ADGRV1: variants seen among roughly 807,000 people sequenced by gnomAD.
ADGRV1 encodes the protein G-protein coupled receptor 98.
Under a neutral mutation model 596.2 loss-of-function variants are expected in ADGRV1, and 359 were observed. The ratio of observed to expected loss-of-function variants is 0.60; its 90% confidence interval spans 0.55 to 0.66. ADGRV1 has a LOEUF of 0.66. Among genes scored for constraint, ADGRV1 ranks in the 30% least tolerant of loss-of-function variants. The pLI is 0.00. For synonymous variants in ADGRV1, 2,681 were observed against 2,679.2 expected, an observed-to-expected ratio of 1.00 and a Z score of -0.02; for missense variants, 7,274 against 7,575.6, an observed-to-expected ratio of 0.96 and a Z score of 1.48.
chr5:90,996,464 T>C (rs1295506276), intron 85 of ADGRV1, among the ~76,000 whole-genome samples: 2 of 152,132 alleles, frequency 1.3e-5, no homozygotes, highest in Admixed American at 1.3e-4. Context: ...CCTGGGAGAC[T>C]CCAACTAGAT....
At chr5:90,694,792 T>G in intron 33 of ADGRV1, 91 bp downstream of exon 33, 1 of 1,172,222 alleles carries the variant, frequency 8.5e-7, no homozygotes, top group Middle Eastern at 2.1e-4. Context: ...TCTTACTGTG[T>G]ACATTCTTGT....
intron 83 of ADGRV1, among the ~76,000 whole-genome samples, chr5:90,932,353 TA>T (rs1178053650): frequency 2.6e-5 from 4 of 152,172 alleles, no homozygotes; most frequent in Admixed American, 6.5e-5. Context: ...CTTTCCCCAA[TA>T]AAAACCTGTG....
At chr5:90,580,812 G>T (rs1372273650) in intron 1 of ADGRV1, among the ~76,000 whole-genome samples, 3 of 148,882 alleles carry the variant, frequency 2.0e-5, no homozygotes, top group Non-Finnish European at 1.5e-5. Context: ...GTTTCCTGTT[G>T]GGGAAGTTCT....
intron 83 of ADGRV1, among the ~76,000 whole-genome samples, chr5:90,902,273 C>T (rs1771918615): frequency 6.6e-6 from 1 of 152,170 alleles, no homozygotes; most frequent in African/African-American, 2.4e-5. Context: ...CCTTTTCTGT[C>T]ACCACCTACC....
intron 76 of ADGRV1, 141 bp downstream of exon 76, chr5:90,823,737 T>C: frequency 1.5e-6 from 1 of 680,324 alleles, no homozygotes; most frequent in Non-Finnish European, 2.4e-6. Context: ...TCTAAATCTC[T>C]TTGCCGACAA....
At chr5:90,683,051 A>G (rs1025685997) in intron 27 of ADGRV1, among the ~76,000 whole-genome samples, 1 of 152,222 alleles carries the variant, frequency 6.6e-6, no homozygotes, top group Non-Finnish European at 1.5e-5. Flanking sequence ...GTGAGTGTGA[A>G]AATTTTATGA....
chr5:91,015,804 G>C (rs183437095), intron 85 of ADGRV1, among the ~76,000 whole-genome samples: 1 of 151,664 alleles, frequency 6.6e-6, no homozygotes, highest in African/African-American at 2.4e-5. Flanking sequence ...CGTACAATTG[G>C]GGCTTGCTTT....
At chr5:90,899,599 T>C (rs973081816) in intron 83 of ADGRV1, among the ~76,000 whole-genome samples, 1 of 152,210 alleles carries the variant, frequency 6.6e-6, no homozygotes, top group Non-Finnish European at 1.5e-5. Context: ...TCAGTACTTG[T>C]CTTATAAATG....
intron 83 of ADGRV1, among the ~76,000 whole-genome samples, chr5:90,942,737 T>A (rs970627862): frequency 6.6e-6 from 1 of 152,178 alleles, no homozygotes; most frequent in African/African-American, 2.4e-5. Flanking sequence ...AAATTGATTA[T>A]CTGAACGATT....
intron 87 of ADGRV1, among the ~76,000 whole-genome samples, chr5:91,134,024 A>T (rs549179721): frequency 1.3e-5 from 2 of 152,318 alleles, no homozygotes; most frequent in African/African-American, 4.8e-5. Context: ...CTACTATATC[A>T]AGCCTATTAA....
Position 90,901,701 on chromosome 5 carries a change from A to T in ADGRV1, c.17856+37844A>T, listed in dbSNP as rs540112479. Among the ~76,000 whole-genome samples the T allele has an allele frequency of 5.9e-5, 9 of 152,282 alleles. No individual in the cohort carries two copies. The South Asian group carries it at 1.9e-3, about 32-fold the overall frequency. ...CTGTGACATATGTATTTATTAAAGT[A>T]TAAAATATTTTTTCAGTTAGGTGAA... On this transcript the variant is annotated intron_variant, in intron 83 of 89. Transcript: ENST00000405460.
Position 91,096,211 on chromosome 5 carries a change from T to A in ADGRV1, c.18311-6008T>A, listed in dbSNP as rs146936392. On this transcript the variant is annotated intron_variant, in intron 86 of 89. Coordinates refer to ENST00000405460, the MANE Select transcript of ADGRV1 (RefSeq NM_032119.4). Reference sequence around the variant, plus strand: ...GGAAGGTTGTAAACATAGAATAAATTTCAGCTTCATGTAAATGGAGTGTGA... The same window carrying A: ...GGAAGGTTGTAAACATAGAATAAATATCAGCTTCATGTAAATGGAGTGTGA... 1.3e-3 allele frequency among the ~76,000 whole-genome samples: 204 copies of A among 152,320 alleles called. 1 individual carries two copies. Among genetic ancestry groups the A allele is most frequent in the African/African-American group, 4.7e-3 (195 of 41,578 alleles).
chr5:90,832,834 G>A (rs145185223), intron 77 of ADGRV1, among the ~76,000 whole-genome samples: 16 of 152,212 alleles, frequency 1.1e-4, no homozygotes, highest in African/African-American at 2.9e-4. Flanking sequence ...CAGATTTCCC[G>A]GAACCATTTA....
intron 1 of ADGRV1, among the ~76,000 whole-genome samples, chr5:90,583,970 G>T (rs1306946152): frequency 1.3e-5 from 2 of 152,312 alleles, no homozygotes; most frequent in African/African-American, 2.4e-5. Context: ...TGTATATTTA[G>T]AATTTTGTTA....
intron 83 of ADGRV1, among the ~76,000 whole-genome samples, chr5:90,949,741 A>G (rs1166750115): frequency 3.3e-5 from 5 of 152,188 alleles, no homozygotes; most frequent in Non-Finnish European, 5.9e-5. Flanking sequence ...AATGCTTTTG[A>G]ATGATAAGCC....
At chr5:90,669,313 G>A (rs914052718) in intron 21 of ADGRV1, among the ~76,000 whole-genome samples, 2 of 152,146 alleles carry the variant, frequency 1.3e-5, no homozygotes, top group Non-Finnish European at 2.9e-5. Context: ...AACATCTTAA[G>A]GTTGGAGTGC....
At chr5:90,956,802 G>T (rs2150930432) in intron 83 of ADGRV1, among the ~76,000 whole-genome samples, 1 of 152,278 alleles carries the variant, frequency 6.6e-6, no homozygotes, top group South Asian at 2.1e-4. Flanking sequence ...GTGGTTAGAA[G>T]CACAGGCTTT....
chr5:90,771,586 AG>A (rs1327341726), intron 59 of ADGRV1, among the ~76,000 whole-genome samples: 1 of 152,200 alleles, frequency 6.6e-6, no homozygotes, highest in East Asian at 1.9e-4. Context: ...TAAAAATTAA[AG>A]GCTTTAAATT....
intron 78 of ADGRV1, 46 bp from the exon 79 acceptor site, chr5:90,848,591 A>C (rs1258330452): frequency 1.8e-6 from 2 of 1,138,414 alleles, no homozygotes; most frequent in African/African-American, 1.6e-5. Flanking sequence ...TAATTTAAGA[A>C]ATTTATTTTT....
Sources: allele counts gnomAD v4.1 joint callset (sites outside exome capture counted in the v4.1 genomes callset), GRCh38; gene constraint gnomAD v4.1.1; transcripts MANE v1.5; gene names NCBI Gene and HGNC (gene_info 2026-07-23, HGNC 2026-07-21).